Variants in SDCCAG8 observed in about 807,000 individuals in gnomAD.
SDCCAG8 encodes serologically defined colon cancer antigen 8.
In SDCCAG8, 74 loss-of-function variants were observed where a neutral mutation model predicts 101.8. The observed-to-expected ratio is 0.73, with a 90% CI of 0.60 to 0.88. The LOEUF (loss-of-function observed/expected upper bound fraction) is 0.88, where lower values mean the gene tolerates loss of function less well. Ranked by LOEUF, SDCCAG8 falls within the 40% of genes least tolerant of loss-of-function variation. The probability of loss-of-function intolerance (pLI) is 0.00; values close to 1 mark genes in which losing one functional copy is unlikely to be tolerated. For synonymous variants in SDCCAG8, 281 were observed against 292.9 expected (o/e 0.96, Z 0.41); for missense variants, 787 against 822.6 (o/e 0.96, Z 0.53).
intron 1 of SDCCAG8, among the ~76,000 whole-genome samples, chr1:243,259,845 CAAACA>C (rs985054058): frequency 9.2e-5 from 14 of 151,612 alleles, no homozygotes; most frequent in Non-Finnish European, 1.8e-4. Flanking sequence ...CCAAAACAAA[CAAACA>C]AAAAAAGATA....
chr1:243,471,511 C>T (rs1558513981), intron 16 of SDCCAG8, among the ~76,000 whole-genome samples: 1 of 152,134 alleles, frequency 6.6e-6, no homozygotes. Context: ...TCTTCTGTGT[C>T]CTCTCCCTCG....
At chr1:243,368,459 A>G (rs1192151007) in intron 12 of SDCCAG8, among the ~76,000 whole-genome samples, 3 of 152,176 alleles carry the variant, frequency 2.0e-5, no homozygotes, top group Non-Finnish European at 1.5e-5. Flanking sequence ...GTGCAGTAGA[A>G]TAGATGCCAT....
At chr1:243,460,725 TG>T (rs1658907799) in intron 16 of SDCCAG8, among the ~76,000 whole-genome samples, 1 of 152,176 alleles carries the variant, frequency 6.6e-6, no homozygotes, top group Non-Finnish European at 1.5e-5. Context: ...GGTAATGTTG[TG>T]GCCACACCAA....
Position 243,475,234 on chromosome 1 carries a change from C to G in SDCCAG8, c.1986-13780C>G, listed in dbSNP as rs184173817. On this transcript the variant is annotated intron_variant, in intron 16 of 17. Transcript: ENST00000366541. ...CTAAGCTTTGCTTCTCCCAACACAA[C>G]CAAGAGACGGACATATAGCAGTGAA... is the stretch of plus-strand genomic sequence containing the variant. Among the ~76,000 whole-genome samples the G allele has an allele frequency of 2.3e-3, 343 of 152,328 alleles. 5 individuals carry two copies. The highest frequency in any genetic ancestry group is 7.9e-3 in the African/African-American group (329 of 41,574).
intron 16 of SDCCAG8, among the ~76,000 whole-genome samples, chr1:243,454,458 T>C (rs146008708): frequency 8.9e-4 from 135 of 152,190 alleles, no homozygotes; most frequent in African/African-American, 3.2e-3. Flanking sequence ...AGGTAATGCA[T>C]CCACTCGGAA....
intron 1 of SDCCAG8, among the ~76,000 whole-genome samples, chr1:243,256,444 G>A (rs2066692466): frequency 6.6e-6 from 1 of 152,208 alleles, no homozygotes; most frequent in Non-Finnish European, 1.5e-5. Flanking sequence ...TCAGATTCCC[G>A]TAGTTACCTC....
chr1:243,495,473 C>A (rs3006929), intron 17 of SDCCAG8, among the ~76,000 whole-genome samples: 15 of 152,264 alleles, frequency 9.9e-5, no homozygotes, highest in Admixed American at 2.0e-4. Flanking sequence ...GGGGCCCAGC[C>A]GGGCAGCCAG....
chr1:243,285,829 A>G (rs958895368), intron 4 of SDCCAG8, among the ~76,000 whole-genome samples: 1 of 152,240 alleles, frequency 6.6e-6, no homozygotes, highest in Admixed American at 6.5e-5. Context: ...CATTTCATAG[A>G]TAATCATCAC....
chr1:243,375,015 A>G (rs904895116), intron 12 of SDCCAG8, among the ~76,000 whole-genome samples: 5 of 152,186 alleles, frequency 3.3e-5, no homozygotes, highest in Non-Finnish European at 2.9e-5. Context: ...AAGAAAATTA[A>G]TTTAAACAAG....
At chr1:243,433,957 A>G (rs903504005) in intron 16 of SDCCAG8, among the ~76,000 whole-genome samples, 1 of 152,244 alleles carries the variant, frequency 6.6e-6, no homozygotes, top group Non-Finnish European at 1.5e-5. Context: ...TGTGTGATGT[A>G]ACATAAGCGC....
rs2484636 is a variant in SDCCAG8 at position 243,360,206 on chromosome 1, C to T, written c.1473+15875C>T. On this transcript the variant is annotated intron_variant, in intron 12 of 17. Coordinates refer to ENST00000366541, the MANE Select transcript of SDCCAG8 (RefSeq NM_006642.5). ...TGTCACCTAGGCTGGAGTGCAGTGG[C>T]GCGATCTCAGCTCACTGCAAACTCT... Among the ~76,000 whole-genome samples, 126 of 143,196 alleles carry T rather than the reference C, an allele frequency of 8.8e-4. 2 individuals are homozygous for T. The highest frequency in any genetic ancestry group is 3.1e-3 in the African/African-American group (121 of 38,460). 93.9% of individuals were successfully genotyped at this position (143,196 alleles called of 152,430 possible).
chr1:243,396,882 A>G (rs1195387680), intron 13 of SDCCAG8, among the ~76,000 whole-genome samples: 1 of 152,234 alleles, frequency 6.6e-6, no homozygotes, highest in Non-Finnish European at 1.5e-5. Flanking sequence ...GCTGGTTAGC[A>G]GTAGAGGATT....
At chr1:243,477,500 C>G (rs1662675101) in intron 16 of SDCCAG8, among the ~76,000 whole-genome samples, 1 of 152,224 alleles carries the variant, frequency 6.6e-6, no homozygotes, top group Non-Finnish European at 1.5e-5. Flanking sequence ...CATGCCCAGT[C>G]TTCCAAAGGT....
intron 13 of SDCCAG8, among the ~76,000 whole-genome samples, chr1:243,407,893 T>C (rs549495332): frequency 1.3e-5 from 2 of 152,338 alleles, no homozygotes; most frequent in East Asian, 1.9e-4. Context: ...ATCTCATTCC[T>C]GTGTTTTCCT....
chr1:243,452,246 G>A (rs924336328), intron 16 of SDCCAG8, among the ~76,000 whole-genome samples: 1 of 152,118 alleles, frequency 6.6e-6, no homozygotes, highest in South Asian at 2.1e-4. Flanking sequence ...CTAAGCATGT[G>A]TTAGTTGTGT....
At position 243,308,058 on chromosome 1, in the gene SDCCAG8, T is replaced by A. The variant is rs1573159964; in HGVS notation, c.810T>A (p.Leu270=). 3 of 1,614,196 alleles carry A rather than the reference T, an allele frequency of 1.9e-6. No homozygotes were observed. The highest frequency in any genetic ancestry group is 2.5e-6 in the Non-Finnish European group (3 of 1,180,010). Residue 270 remains leucine (L), a synonymous_variant, in exon 8 of 18, where the codon CTT becomes CTA. Transcript: ENST00000366541. ...LKEQLKHKEF[L]LAANTCNRVG... ...AGCAACTAAAGCATAAAGAATTTCT[T>A]CTGGCTGCTAATACTTGTAACCGTG...
At chr1:243,285,827 A>G (rs2069558527) in intron 4 of SDCCAG8, among the ~76,000 whole-genome samples, 1 of 152,354 alleles carries the variant, frequency 6.6e-6, no homozygotes, top group Non-Finnish European at 1.5e-5. Context: ...ACCATTTCAT[A>G]GATAATCATC....
At chr1:243,357,145 C>T (rs184363588) in intron 12 of SDCCAG8, among the ~76,000 whole-genome samples, 66 of 152,188 alleles carry the variant, frequency 4.3e-4, no homozygotes, top group Non-Finnish European at 7.2e-4. Context: ...TTTGAGAGGC[C>T]GAGGTGGGTG....
chr1:243,261,245 C>T (rs1460119034), intron 1 of SDCCAG8, among the ~76,000 whole-genome samples: 2 of 152,084 alleles, frequency 1.3e-5, no homozygotes, highest in South Asian at 2.1e-4. Flanking sequence ...AAGCAAAACA[C>T]ACCCAGAGCC....
Sources: gnomAD v4.1 joint callset for allele counts (sites outside exome capture counted in the v4.1 genomes callset) on GRCh38, gnomAD v4.1.1 for gene constraint, MANE v1.5 for transcripts, NCBI Gene and HGNC (gene_info 2026-07-23, HGNC 2026-07-21) for gene names.